The following MINPP1 variants were observed in gnomAD, a reference collection of about 807,000 sequenced individuals.
MINPP1 encodes multiple inositol-polyphosphate phosphatase 1, also known as multiple inositol polyphosphate phosphatase 1.
MINPP1 carries 28 observed loss-of-function variants against 46.1 expected under a neutral mutation model. That is an observed-to-expected ratio of 0.61 (90% confidence interval 0.45 to 0.83). The LOEUF (loss-of-function observed/expected upper bound fraction) is 0.83. Among genes scored for constraint, MINPP1 ranks in the 40% least tolerant of loss-of-function variants. The pLI, the probability that MINPP1 is intolerant of heterozygous loss-of-function variation, is 0.00. For synonymous variants in MINPP1, 268 were observed against 249.1 expected (o/e 1.08, Z -0.72); for missense variants, 603 against 610.0 (o/e 0.99, Z 0.12).
chr10:87,542,303 TTCTC>T (rs1270805450), intron 4 of MINPP1, among the ~76,000 whole-genome samples: 3 of 147,310 alleles, frequency 2.0e-5, no homozygotes, highest in African/African-American at 4.9e-5. Flanking sequence ...CTTTTTCTTT[TTCTC>T]TCTCTCTCTC....
intron 4 of MINPP1, among the ~76,000 whole-genome samples, chr10:87,535,338 CAA>C (rs1329129558): frequency 1.3e-5 from 2 of 152,180 alleles, no homozygotes; most frequent in Non-Finnish European, 2.9e-5. Context: ...GTGTACCACA[CAA>C]ATACATGTAA....
At chr10:87,540,684 A>T (rs1851803584) in intron 4 of MINPP1, among the ~76,000 whole-genome samples, 2 of 152,206 alleles carry the variant, frequency 1.3e-5, no homozygotes, top group South Asian at 4.1e-4. Flanking sequence ...GGTGTATTCA[A>T]AGAGAAACTG....
intron 3 of MINPP1, among the ~76,000 whole-genome samples, chr10:87,517,109 G>A (rs1564674091): frequency 6.6e-6 from 1 of 151,958 alleles, no homozygotes; most frequent in Non-Finnish European, 1.5e-5. Flanking sequence ...AATAACTAAT[G>A]GGCACTAGGA....
At chr10:87,547,828 C>G (rs931491336) in intron 4 of MINPP1, among the ~76,000 whole-genome samples, 1 of 152,116 alleles carries the variant, frequency 6.6e-6, no homozygotes, top group East Asian at 1.9e-4. Flanking sequence ...TGGCTGTTTG[C>G]TATCACAGAT....
rs551898594 is a variant in MINPP1, at chr10:87,529,644, CT to C, written c.1067+8477del. On this transcript the variant is annotated intron_variant, in intron 4 of 4. Transcript: ENST00000371996. ...CTCTGGCTGCCCTTAACATTTTTTC[CT>C]TCATTTCAACTTTAGTGAATCTGAC... Among the ~76,000 whole-genome samples the C allele has an allele frequency of 7.3e-3, 1,107 of 152,258 alleles. 14 individuals are homozygous for C. The highest frequency in any genetic ancestry group is 0.012 in the Non-Finnish European group (795 of 68,002).
intron 3 of MINPP1, among the ~76,000 whole-genome samples, chr10:87,514,107 C>T (rs1371285335): frequency 2.0e-5 from 3 of 151,984 alleles, no homozygotes; most frequent in Non-Finnish European, 4.4e-5. Flanking sequence ...ATAAGTTAAT[C>T]ACACTGGCAG....
In MINPP1 at chr10:87,552,139, T is replaced by A; in HGVS notation, c.1125T>A (p.Leu375=). The change falls in exon 5 of 5, where the codon CTT becomes CTA. Residue 375 remains leucine, a synonymous_variant. Coordinates refer to ENST00000371996, the MANE Select transcript of MINPP1 (RefSeq NM_004897.5). ...AGTTTGGTCATGCAGAGACTCTTCT[T>A]CCACTGCTTTCTCTCATGGGCTACT... ...ILQFGHAETL[L]PLLSLMGYFK... 2 of 1,613,660 alleles carry A rather than the reference T, an allele frequency of 1.2e-6. No individual in the cohort carries two copies. Among genetic ancestry groups the A allele is most frequent in the Non-Finnish European group, 1.7e-6 (2 of 1,179,698 alleles).
At position 87,522,768 on chromosome 10, in the gene MINPP1, A is replaced by G. The variant is rs75571442; in HGVS notation, c.1067+1599A>G. On this transcript the variant is annotated intron_variant, in intron 4 of 4. Transcript: ENST00000371996. ...GTGGCAATTTATTGTAAAAGAAAAT[A>G]TCAATGAGGTTTGCTGCATCAGTTG... Among the ~76,000 whole-genome samples, 19 of 152,308 alleles carry G rather than the reference A, an allele frequency of 1.2e-4. No individual in the cohort carries two copies. In the East Asian group the frequency reaches 3.7e-3, roughly 29 times the overall value.
intron 2 of MINPP1, among the ~76,000 whole-genome samples, chr10:87,508,772 G>GT (rs942370754): frequency 6.6e-6 from 1 of 152,060 alleles, no homozygotes; most frequent in African/African-American, 2.4e-5. Flanking sequence ...ATATTCTGGA[G>GT]TTTTTTTGAG....
intron 4 of MINPP1, among the ~76,000 whole-genome samples, chr10:87,542,851 G>A (rs188963217): frequency 1.1e-3 from 169 of 152,286 alleles, no homozygotes; most frequent in South Asian, 2.7e-3. Context: ...CAAGGCATGG[G>A]GCACTGCTAT....
At chr10:87,524,018 G>T (rs1176145546) in intron 4 of MINPP1, among the ~76,000 whole-genome samples, 1 of 152,202 alleles carries the variant, frequency 6.6e-6, no homozygotes, top group African/African-American at 2.4e-5. Flanking sequence ...TGACCAGTGA[G>T]TATTGGCTTC....
intron 4 of MINPP1, among the ~76,000 whole-genome samples, chr10:87,544,536 T>C (rs1204052346): frequency 6.6e-6 from 1 of 152,190 alleles, no homozygotes; most frequent in Non-Finnish European, 1.5e-5. Context: ...CTTTGCCTTT[T>C]TGCTGACCAG....
intron 4 of MINPP1, chr10:87,546,432 T>G (rs1851887584): frequency 6.6e-6 from 1 of 152,292 alleles, no homozygotes; most frequent in Non-Finnish European, 1.5e-5. Flanking sequence ...GTGGCTGGCT[T>G]CTTTACCACA....
At position 87,553,422 on chromosome 10, in the gene MINPP1, A is replaced by G. The variant is rs1490045480; in HGVS notation, c.*944A>G. ...ACTTTTCTCTTCCCCATGTCAAAAT[A>G]CAATCAATAATTGATGGTAAAAGTT... On this transcript the variant is annotated 3_prime_UTR_variant, in exon 5 of 5. Coordinates refer to ENST00000371996, the MANE Select transcript of MINPP1 (RefSeq NM_004897.5). 1 of 152,142 alleles carries G rather than the reference A, an allele frequency of 6.6e-6. No homozygotes were observed. The highest frequency in any genetic ancestry group is 1.5e-5 in the Non-Finnish European group (1 of 68,012). The allele number at this position is 152,142 out of a possible 1,614,324, so 9.4% of individuals were successfully genotyped here.
rs2131849269 is a variant in MINPP1, at chr10:87,553,094, TG to T, written c.*617del. 1 of 152,310 alleles carries T rather than the reference TG, an allele frequency of 6.6e-6. No individual in the cohort carries two copies. Among genetic ancestry groups the T allele is most frequent in the South Asian group, 2.1e-4 (1 of 4,830 alleles). 9.4% of individuals were successfully genotyped at this position (152,310 alleles called of 1,614,324 possible). Reference sequence around the variant, plus strand: ...TTTTGGTATTTATTTATGAAATATTTGAACATTTTTTCAATAATTCCTTTTT... The same window carrying T: ...TTTTGGTATTTATTTATGAAATATTTAACATTTTTTCAATAATTCCTTTTT... On this transcript the variant is annotated 3_prime_UTR_variant, in exon 5 of 5. Coordinates refer to ENST00000371996, the MANE Select transcript of MINPP1 (RefSeq NM_004897.5).
At chr10:87,517,323 G>T (rs1851425366) in intron 3 of MINPP1, among the ~76,000 whole-genome samples, 1 of 152,122 alleles carries the variant, frequency 6.6e-6, no homozygotes, top group East Asian at 1.9e-4. Flanking sequence ...GGAATTATGA[G>T]GTCACAGACA....
chr10:87,525,283 C>T (rs1013532178), intron 4 of MINPP1, among the ~76,000 whole-genome samples: 3 of 152,224 alleles, frequency 2.0e-5, no homozygotes, highest in African/African-American at 7.2e-5. Context: ...AGCAGTCACT[C>T]TCCATTCACC....
intron 3 of MINPP1, among the ~76,000 whole-genome samples, chr10:87,516,861 T>C (rs1034446689): frequency 2.0e-5 from 3 of 152,200 alleles, no homozygotes; most frequent in Admixed American, 6.5e-5. Flanking sequence ...AGTTTATTGT[T>C]TACTAATTTA....
At chr10:87,545,583 A>G (rs1017264790) in intron 4 of MINPP1, among the ~76,000 whole-genome samples, 9 of 152,230 alleles carry the variant, frequency 5.9e-5, no homozygotes, top group Non-Finnish European at 1.3e-4. Context: ...AACTTAAAAT[A>G]TCTTCTTTTA....
Sources: allele counts gnomAD v4.1 joint callset (sites outside exome capture counted in the v4.1 genomes callset), GRCh38; gene constraint gnomAD v4.1.1; transcripts MANE v1.5; gene names NCBI Gene and HGNC (gene_info 2026-07-23, HGNC 2026-07-21).